Variants in RBM46 observed in about 807,000 individuals in gnomAD.
RBM46 encodes RNA binding motif protein 46, also known as probable RNA-binding protein 46.
RBM46 carries 12 observed loss-of-function variants against 43.3 expected under a neutral mutation model. The ratio of observed to expected loss-of-function variants is 0.28; its 90% CI spans 0.18 to 0.45. The LOEUF (loss-of-function observed/expected upper bound fraction) is 0.45. Among genes scored for constraint, RBM46 ranks in the 20% least tolerant of loss-of-function variants. RBM46 has a pLI of 1.00. For missense variants in RBM46, 412 were observed against 639.1 expected (o/e 0.64, Z 3.83); for synonymous variants, 205 against 207.6 (o/e 0.99, Z 0.11).
chr4:154,800,536 G>A (rs554738029), intron 4 of RBM46, among the ~76,000 whole-genome samples: 5 of 152,158 alleles, frequency 3.3e-5, no homozygotes, highest in Non-Finnish European at 7.4e-5. Context: ...AATATTTGAC[G>A]TTGTGAAGGA....
chr4:154,800,604 C>T (rs1238895829), intron 4 of RBM46, among the ~76,000 whole-genome samples: 2 of 151,680 alleles, frequency 1.3e-5, no homozygotes, highest in African/African-American at 4.8e-5. Flanking sequence ...GTTAGGTTAG[C>T]CTCCCCCCTC....
intron 4 of RBM46, among the ~76,000 whole-genome samples, chr4:154,816,919 G>A (rs1316620109): frequency 6.6e-6 from 1 of 151,960 alleles, no homozygotes; most frequent in Non-Finnish European, 1.5e-5. Flanking sequence ...TTTGCATCTA[G>A]TTAATTACAT....
At chr4:154,814,092 C>G (rs1435121426) in intron 4 of RBM46, among the ~76,000 whole-genome samples, 1 of 151,820 alleles carries the variant, frequency 6.6e-6, no homozygotes, top group Non-Finnish European at 1.5e-5. Flanking sequence ...AAATTAGGAG[C>G]CTACTTAGAT....
chr4:154,781,899 C>T (rs1733496477), intron 1 of RBM46: 1 of 152,120 alleles, frequency 6.6e-6, no homozygotes, highest in African/African-American at 2.4e-5. Flanking sequence ...CCCCTGGAGG[C>T]TTTGGACGCC....
At chr4:154,785,301 T>C (rs1733707942) in intron 1 of RBM46, among the ~76,000 whole-genome samples, 1 of 151,866 alleles carries the variant, frequency 6.6e-6, no homozygotes, top group Non-Finnish European at 1.5e-5. Context: ...TCTTTAAAAA[T>C]AGAACTTTAG....
At position 154,826,765 on chromosome 4, in the gene RBM46, T is replaced by C. The variant is rs1362034003; in HGVS notation, c.1403-1103T>C. 3.3e-6 allele frequency: 4 copies of C among 1,227,410 alleles called. No homozygotes were observed. In the African/African-American group the frequency reaches 4.7e-5, roughly 15 times the overall value. 76.0% of individuals were successfully genotyped at this position (1,227,410 alleles called of 1,614,324 possible). On this transcript the variant is annotated intron_variant, in intron 4 of 4. Coordinates refer to ENST00000281722, the MANE Select transcript of RBM46 (RefSeq NM_144979.5). ...TTTTTTTTTTTTTTTTTTCCTGAAC[T>C]AGGTCCTTTCTGATGTTGCTTGAGC...
intron 4 of RBM46, among the ~76,000 whole-genome samples, chr4:154,822,605 G>A (rs1451766277): frequency 6.6e-6 from 1 of 151,314 alleles, no homozygotes; most frequent in East Asian, 1.9e-4. Context: ...AAAATTTAGT[G>A]TTTGAGTGAA....
intron 1 of RBM46, among the ~76,000 whole-genome samples, chr4:154,791,395 G>A (rs912744581): frequency 2.0e-5 from 3 of 152,084 alleles, no homozygotes; most frequent in Admixed American, 6.6e-5. Context: ...CGTGACTCAC[G>A]CCTGTAATTC....
chr4:154,787,668 G>C (rs1733849333), intron 1 of RBM46, among the ~76,000 whole-genome samples: 1 of 152,150 alleles, frequency 6.6e-6, no homozygotes, highest in African/African-American at 2.4e-5. Context: ...CTTTATAGCA[G>C]CATGATTTAT....
At chr4:154,824,696 G>A (rs1338224847) in intron 4 of RBM46, among the ~76,000 whole-genome samples, 2 of 151,970 alleles carry the variant, frequency 1.3e-5, no homozygotes, top group African/African-American at 4.8e-5. Context: ...TCCTTATTTT[G>A]TATAGAGGCC....
chr4:154,810,039 T>A (rs1396914312), intron 4 of RBM46, among the ~76,000 whole-genome samples: 3 of 152,138 alleles, frequency 2.0e-5, no homozygotes, highest in African/African-American at 7.2e-5. Context: ...CAAAGGGACT[T>A]CTGAGGTACT....
At chr4:154,821,628 G>GT (rs1323839175) in intron 4 of RBM46, among the ~76,000 whole-genome samples, 1 of 151,622 alleles carries the variant, frequency 6.6e-6, no homozygotes, top group Non-Finnish European at 1.5e-5. Context: ...ATAAGTATCT[G>GT]TTTTTTTATT....
intron 1 of RBM46, among the ~76,000 whole-genome samples, chr4:154,792,159 A>G (rs1396577772): frequency 6.6e-6 from 1 of 152,184 alleles, no homozygotes; most frequent in Non-Finnish European, 1.5e-5. Context: ...TACCATATTT[A>G]CCTTATCAAT....
intron 4 of RBM46, among the ~76,000 whole-genome samples, chr4:154,820,606 A>G (rs912867427): frequency 4.6e-5 from 7 of 152,012 alleles, no homozygotes; most frequent in Middle Eastern, 3.4e-3. Flanking sequence ...TGGTTTCTGT[A>G]TTTTCAGGTC....
At chr4:154,797,019 ATTTT>A (rs57686041) in intron 2 of RBM46, 116 bp downstream of exon 2, 1 of 579,722 alleles carries the variant, frequency 1.7e-6, no homozygotes, top group Admixed American at 3.8e-5. Context: ...GCTTTAAGAC[ATTTT>A]TTTTTTTACT....
At chr4:154,820,184 T>C (rs1433840895) in intron 4 of RBM46, among the ~76,000 whole-genome samples, 1 of 152,086 alleles carries the variant, frequency 6.6e-6, no homozygotes, top group Non-Finnish European at 1.5e-5. Flanking sequence ...TTCTCTTTGT[T>C]CATCTTTATA....
intron 1 of RBM46, among the ~76,000 whole-genome samples, chr4:154,794,133 G>T (rs2111117130): frequency 6.7e-6 from 1 of 150,120 alleles, no homozygotes; most frequent in Middle Eastern, 3.5e-3. Context: ...AACCTCTCTG[G>T]CCCATGCCAC....
chr4:154,786,209 C>A (rs1162767664), intron 1 of RBM46, among the ~76,000 whole-genome samples: 1 of 152,120 alleles, frequency 6.6e-6, no homozygotes, highest in African/African-American at 2.4e-5. Flanking sequence ...GCTTCAGCCT[C>A]CTGAGTAGCT....
intron 4 of RBM46, among the ~76,000 whole-genome samples, chr4:154,815,412 T>C (rs1026655529): frequency 6.6e-6 from 1 of 152,056 alleles, no homozygotes; most frequent in Non-Finnish European, 1.5e-5. Flanking sequence ...GTAAGTATAC[T>C]GATTTACACT....
Sources: allele counts gnomAD v4.1 joint callset (sites outside exome capture counted in the v4.1 genomes callset), GRCh38; gene constraint gnomAD v4.1.1; transcripts MANE v1.5; gene names NCBI Gene and HGNC (gene_info 2026-07-23, HGNC 2026-07-21).